GABRG2: variants seen among roughly 807,000 people sequenced by gnomAD.
GABRG2 encodes gamma-aminobutyric acid type A receptor subunit gamma2, also known as gamma-aminobutyric acid receptor subunit gamma-2.
GABRG2 carries 16 observed loss-of-function variants against 56.4 expected under a neutral mutation model. The observed-to-expected ratio is 0.28, with a 90% CI of 0.19 to 0.43. The LOEUF is 0.43. Among genes scored for constraint, GABRG2 ranks in the 20% least tolerant of loss-of-function variants. GABRG2 has a pLI of 1.00. For synonymous variants in GABRG2, 208 were observed against 205.5 expected (o/e 1.01, Z -0.10); for missense variants, 327 against 582.7 (o/e 0.56, Z 4.52).
intron 6 of GABRG2, among the ~76,000 whole-genome samples, chr5:162,137,520 T>A (rs1290117890): frequency 6.6e-6 from 1 of 152,174 alleles, no homozygotes; most frequent in Non-Finnish European, 1.5e-5. Context: ...ATATTTTGTA[T>A]TTATAAGTTC....
intron 6 of GABRG2, among the ~76,000 whole-genome samples, chr5:162,118,430 T>A (rs1266151789): frequency 2.6e-5 from 4 of 152,032 alleles, no homozygotes; most frequent in Non-Finnish European, 5.9e-5. Context: ...ATCAAGGACA[T>A]TTAAAATCCT....
intron 6 of GABRG2, among the ~76,000 whole-genome samples, chr5:162,108,538 C>G (rs1396442882): frequency 6.6e-6 from 1 of 152,168 alleles, no homozygotes; most frequent in Non-Finnish European, 1.5e-5. Context: ...TTCAACAGTG[C>G]CTTTGCTGAT....
intron 1 of GABRG2, among the ~76,000 whole-genome samples, chr5:162,079,984 G>C (rs139168789): frequency 2.0e-5 from 3 of 152,118 alleles, no homozygotes; most frequent in East Asian, 3.9e-4. Context: ...ACATGATTCT[G>C]TTCATTTTTC....
chr5:162,145,589 G>A (rs1764893647), intron 7 of GABRG2, among the ~76,000 whole-genome samples: 1 of 152,162 alleles, frequency 6.6e-6, no homozygotes, highest in Non-Finnish European at 1.5e-5. Flanking sequence ...AAAATATCAT[G>A]AGGCAATTCT....
Position 162,067,836 on chromosome 5 carries a change from T to C in GABRG2, c.-164T>C. The C allele has an allele frequency of 1.5e-6, 1 of 649,532 alleles. No individual in the cohort carries two copies. The highest frequency in any genetic ancestry group is 2.7e-6 in the Non-Finnish European group (1 of 365,934). 40.2% of individuals were successfully genotyped at this position (649,532 alleles called of 1,614,324 possible). A position where few individuals can be genotyped will look rare whatever the true frequency, so the allele number is the denominator to read the frequency against. ...GCTGATCTTATCTCTGCCCCCTGAA[T>C]ATTAATTCCCTAATCTGGTAGCAAT... On this transcript the variant is annotated 5_prime_UTR_variant, in exon 1 of 10. Transcript: ENST00000639213.
chr5:162,105,641 A>G (rs1761758446), intron 6 of GABRG2, among the ~76,000 whole-genome samples: 3 of 151,744 alleles, frequency 2.0e-5, no homozygotes, highest in Non-Finnish European at 2.9e-5. Context: ...CTTGTTAGCC[A>G]GGATGGTCTC....
At chr5:162,125,161 A>G (rs28594438) in intron 6 of GABRG2, among the ~76,000 whole-genome samples, 6,072 of 151,858 alleles carry the variant, frequency 0.04, 441 homozygotes, top group African/African-American at 0.14. Context: ...AGAAACTTTC[A>G]CTTTCTGGTA....
At chr5:162,139,513 A>C (rs1413150124) in intron 6 of GABRG2, among the ~76,000 whole-genome samples, 3 of 152,208 alleles carry the variant, frequency 2.0e-5, no homozygotes, top group East Asian at 3.9e-4. Context: ...AAGATGAGAG[A>C]TGCTCAGAAG....
Position 162,152,816 on chromosome 5 carries a change from A to G in GABRG2, c.1153-277A>G, listed in dbSNP as rs937312509. 9 of 594,740 alleles carry G rather than the reference A, an allele frequency of 1.5e-5. No individual in the cohort carries two copies. In the Middle Eastern group the frequency reaches 1.3e-3, roughly 88 times the overall value. The allele number at this position is 594,740 out of a possible 1,614,324, so 36.8% of individuals were successfully genotyped here. On this transcript the variant is annotated intron_variant, in intron 9 of 9. Transcript: ENST00000639213. The stretch of plus-strand genomic sequence containing the variant: ...TAAGATTCCATGTAATTTGATTTAA[A>G]TATTTAACTTTGAGTTCTTTTGGTG...
intron 6 of GABRG2, among the ~76,000 whole-genome samples, chr5:162,141,667 A>G (rs777770467): frequency 2.0e-5 from 3 of 152,246 alleles, no homozygotes. Context: ...ATGTCTCATC[A>G]TAGGAATTTA....
At chr5:162,085,490 C>G (rs2113228749) in intron 1 of GABRG2, among the ~76,000 whole-genome samples, 1 of 151,274 alleles carries the variant, frequency 6.6e-6, no homozygotes, top group East Asian at 1.9e-4. Context: ...GTTGACATGA[C>G]TTTAGGATTT....
At chr5:162,140,616 A>G (rs1764490059) in intron 6 of GABRG2, among the ~76,000 whole-genome samples, 1 of 151,762 alleles carries the variant, frequency 6.6e-6, no homozygotes, top group African/African-American at 2.4e-5. Context: ...GCTAAAAGAT[A>G]TGATTTGAAT....
rs371718386 is a variant in GABRG2, at chr5:162,136,552, A to G, written c.770-5612A>G. Among the ~76,000 whole-genome samples the G allele has an allele frequency of 2.6e-5, 4 of 152,110 alleles. No individual in the cohort carries two copies. In the East Asian group the frequency reaches 5.8e-4, roughly 22 times the overall value. On this transcript the variant is annotated intron_variant, in intron 6 of 9. Transcript: ENST00000639213. ...AAAGGGGTAAAGAGATTATTCAGCA[A>G]TCTAGGGGAGAGATGATGGCAGGAA...
At chr5:162,100,762 C>T (rs944618346) in intron 4 of GABRG2, among the ~76,000 whole-genome samples, 1 of 152,160 alleles carries the variant, frequency 6.6e-6, no homozygotes, top group Admixed American at 6.5e-5. Context: ...TATTTGTACA[C>T]TCACCTTTAG....
At chr5:162,095,452 T>C in intron 2 of GABRG2, 43 bp from the exon 3 acceptor site, 1 of 1,159,540 alleles carries the variant, frequency 8.6e-7, no homozygotes, top group Non-Finnish European at 1.3e-6. Context: ...ATTAAAATCT[T>C]GCACCTCTCT....
At chr5:162,144,099 A>C (rs1382490798) in intron 7 of GABRG2, among the ~76,000 whole-genome samples, 1 of 152,176 alleles carries the variant, frequency 6.6e-6, no homozygotes, top group African/African-American at 2.4e-5. Context: ...TTACTTTCGG[A>C]CTATTACTTG....
rs920732490 is a variant in GABRG2 at position 162,154,217 on chromosome 5, A to G, written c.*849A>G. The G allele has an allele frequency of 2.6e-5, 4 of 152,150 alleles. No homozygotes were observed. The highest frequency in any genetic ancestry group is 2.1e-4 in the South Asian group (1 of 4,830). The allele number at this position is 152,150 out of a possible 1,614,324, so 9.4% of individuals were successfully genotyped here. ...TAAATATGCCCAATTTCATAACTAGAGTATAAAGTAATTGTATGTGCTTGC... is the reference window on the plus strand; with the variant it reads ...TAAATATGCCCAATTTCATAACTAGGGTATAAAGTAATTGTATGTGCTTGC... On this transcript the variant is annotated 3_prime_UTR_variant, in exon 10 of 10. Transcript: ENST00000639213.
chr5:162,076,684 T>C (rs1228539692), intron 1 of GABRG2, among the ~76,000 whole-genome samples: 2 of 152,126 alleles, frequency 1.3e-5, no homozygotes, highest in African/African-American at 2.4e-5. Context: ...CAAACTCAGG[T>C]TGCTACTCTT....
intron 1 of GABRG2, among the ~76,000 whole-genome samples, chr5:162,071,774 C>CT (rs1758691290): frequency 6.6e-6 from 1 of 152,052 alleles, no homozygotes; most frequent in South Asian, 2.1e-4. Flanking sequence ...CCAGAAAAAT[C>CT]TTTATTTCCT....
Sources: gnomAD v4.1 joint callset for allele counts (sites outside exome capture counted in the v4.1 genomes callset) on GRCh38, gnomAD v4.1.1 for gene constraint, MANE v1.5 for transcripts, NCBI Gene and HGNC (gene_info 2026-07-23, HGNC 2026-07-21) for gene names.